KMO: variants seen among roughly 807,000 people sequenced by gnomAD.
KMO encodes kynurenine 3-hydroxylase.
In KMO, 24 loss-of-function variants were observed where a neutral mutation model predicts 57.8. That is an observed-to-expected ratio of 0.42 (90% confidence interval 0.30 to 0.58). KMO has a LOEUF of 0.58. Among genes scored for constraint, KMO ranks in the 20% least tolerant of loss-of-function variants. The probability of loss-of-function intolerance (pLI) is 0.22; values close to 1 mark genes in which losing one functional copy is unlikely to be tolerated. For synonymous variants in KMO, 210 were observed against 193.6 expected (o/e 1.08, Z -0.70); for missense variants, 483 against 588.2 (o/e 0.82, Z 1.85).
At chr1:241,574,812 A>C (rs1662446173) in intron 10 of KMO, among the ~76,000 whole-genome samples, 1 of 151,926 alleles carries the variant, frequency 6.6e-6, no homozygotes, top group South Asian at 2.1e-4. Context: ...CCTCTGTCTC[A>C]ATCTTTTGGA....
intron 14 of KMO, among the ~76,000 whole-genome samples, chr1:241,590,728 C>T (rs925609935): frequency 3.3e-5 from 5 of 151,194 alleles, no homozygotes; most frequent in African/African-American, 9.8e-5. Flanking sequence ...GATTTTACAA[C>T]GTCATTTATT....
At chr1:241,555,771 G>A in intron 5 of KMO, 111 bp downstream of exon 5, 1 of 678,996 alleles carries the variant, frequency 1.5e-6, no homozygotes, top group Non-Finnish European at 2.6e-6. Flanking sequence ...GGGTTATGAA[G>A]AGCAAGACTA....
Position 241,592,339 on chromosome 1 carries a change from G to A in KMO, c.*186G>A. On this transcript the variant is annotated 3_prime_UTR_variant, in exon 15 of 15. Transcript: ENST00000366559. Reference sequence around the variant, plus strand: ...GGTTGGGGGGTGCATTTTAAAAGATGAAACATGCAGCTTCCCTACATTACA... The same window carrying A: ...GGTTGGGGGGTGCATTTTAAAAGATAAAACATGCAGCTTCCCTACATTACA... 1.7e-6 allele frequency: 1 copy of A among 592,186 alleles called. No individual in the cohort carries two copies. Among genetic ancestry groups the A allele is most frequent in the South Asian group, 2.0e-5 (1 of 50,114 alleles). The allele number at this position is 592,186 out of a possible 1,614,324, so 36.7% of individuals were successfully genotyped here. A position where few individuals can be genotyped will look rare whatever the true frequency, so the allele number is the denominator to read the frequency against.
chr1:241,567,032 A>G (rs1273809269), intron 9 of KMO, among the ~76,000 whole-genome samples: 3 of 152,208 alleles, frequency 2.0e-5, no homozygotes, highest in South Asian at 2.1e-4. Context: ...TCGTGGGAAA[A>G]GGTTGATAAA....
chr1:241,554,919 T>G (rs1573914558), intron 4 of KMO, among the ~76,000 whole-genome samples: 1 of 150,560 alleles, frequency 6.6e-6, no homozygotes, highest in African/African-American at 2.4e-5. Context: ...AAGGTGGAGG[T>G]TGCAGTGAGC....
intron 10 of KMO, among the ~76,000 whole-genome samples, chr1:241,579,578 G>T (rs1481963434): frequency 6.6e-6 from 1 of 152,058 alleles, no homozygotes; most frequent in African/African-American, 2.4e-5. Flanking sequence ...GGCAAGGCAG[G>T]TCTTACACCC....
intron 10 of KMO, among the ~76,000 whole-genome samples, chr1:241,581,895 T>C (rs1018679305): frequency 2.0e-5 from 3 of 152,176 alleles, no homozygotes; most frequent in Non-Finnish European, 2.9e-5. Context: ...TTTTCTCATT[T>C]GTTAACATCC....
At chr1:241,549,266 A>G (rs71535337) in intron 2 of KMO, among the ~76,000 whole-genome samples, 9,752 of 117,400 alleles carry the variant, frequency 0.083, 1,221 homozygotes, top group African/African-American at 0.13. Flanking sequence ...AGAAAGAAAG[A>G]AAGGAAGGAA....
intron 7 of KMO, among the ~76,000 whole-genome samples, chr1:241,563,527 ATTT>A (rs10599899): frequency 0.29 from 44,542 of 151,838 alleles, 6,728 homozygotes; most frequent in East Asian, 0.4. Flanking sequence ...GTATTCGCTA[ATTT>A]TTTAGTGCTT....
At chr1:241,576,419 T>C (rs1016995116) in intron 10 of KMO, among the ~76,000 whole-genome samples, 1 of 152,150 alleles carries the variant, frequency 6.6e-6, no homozygotes, top group Non-Finnish European at 1.5e-5. Context: ...TTTCAAGATT[T>C]AGAGCTCCTT....
At chr1:241,537,328 G>A (rs992387602) in intron 1 of KMO, among the ~76,000 whole-genome samples, 1 of 152,130 alleles carries the variant, frequency 6.6e-6, no homozygotes, top group Non-Finnish European at 1.5e-5. Flanking sequence ...AACGTCCTCA[G>A]TGCATATGAA....
At chr1:241,554,260 TTCCTTCCTTC>T (rs1661521487) in intron 4 of KMO, among the ~76,000 whole-genome samples, 1 of 150,868 alleles carries the variant, frequency 6.6e-6, no homozygotes, top group African/African-American at 2.4e-5. Flanking sequence ...CCTTCCTTCC[TTCCTTCCTTC>T]CTTCCTTCCT....
intron 10 of KMO, among the ~76,000 whole-genome samples, chr1:241,584,684 A>T (rs1289552744): frequency 6.6e-6 from 1 of 152,206 alleles, no homozygotes; most frequent in African/African-American, 2.4e-5. Flanking sequence ...ATCATTAATC[A>T]TATATTATTT....
chr1:241,587,960 G>A (rs996228710), intron 11 of KMO, among the ~76,000 whole-genome samples: 38 of 152,052 alleles, frequency 2.5e-4, no homozygotes, highest in African/African-American at 8.5e-4. Context: ...CCAGCATCAC[G>A]TGCTTTCAAA....
intron 1 of KMO, among the ~76,000 whole-genome samples, chr1:241,546,003 C>T (rs1044891529): frequency 1.3e-5 from 2 of 151,952 alleles, no homozygotes; most frequent in African/African-American, 2.4e-5. Flanking sequence ...AAATCTGAGG[C>T]TTATGGTGAT....
chr1:241,583,744 C>A (rs1427446247), intron 10 of KMO, among the ~76,000 whole-genome samples: 1 of 151,902 alleles, frequency 6.6e-6, no homozygotes, highest in Non-Finnish European at 1.5e-5. Context: ...TTAAAAAATA[C>A]TTCCAATCAA....
intron 1 of KMO, among the ~76,000 whole-genome samples, chr1:241,536,118 T>A (rs1262610143): frequency 6.6e-6 from 1 of 152,208 alleles, no homozygotes; most frequent in Non-Finnish European, 1.5e-5. Context: ...AAAGAGTTTT[T>A]TTTTTAACAC....
intron 1 of KMO, among the ~76,000 whole-genome samples, chr1:241,542,872 A>G (rs116764897): frequency 0.012 from 1,898 of 152,320 alleles, 41 homozygotes; most frequent in African/African-American, 0.042. Flanking sequence ...GTTATTCCCA[A>G]TTAAGCACTT....
intron 7 of KMO, among the ~76,000 whole-genome samples, chr1:241,564,381 A>G (rs1333829581): frequency 6.6e-6 from 1 of 152,082 alleles, no homozygotes; most frequent in Non-Finnish European, 1.5e-5. Context: ...CTGTTATTGT[A>G]TTAATAGTAA....
Sources: gnomAD v4.1 joint callset for allele counts (sites outside exome capture counted in the v4.1 genomes callset) on GRCh38, gnomAD v4.1.1 for gene constraint, MANE v1.5 for transcripts, NCBI Gene and HGNC (gene_info 2026-07-23, HGNC 2026-07-21) for gene names.